The following DPY19L3 variants were observed in gnomAD, a reference collection of about 807,000 sequenced individuals.
The protein encoded by DPY19L3 is protein C-mannosyl-transferase DPY19L3.
A neutral mutation model predicts 92.3 loss-of-function variants in DPY19L3; 51 were observed. The ratio of observed to expected loss-of-function variants is 0.55; its 90% CI spans 0.44 to 0.70. DPY19L3 has a LOEUF of 0.70. Among genes scored for constraint, DPY19L3 ranks in the 30% least tolerant of loss-of-function variants. The pLI is 0.00. For synonymous variants in DPY19L3, 309 were observed against 315.2 expected, an observed-to-expected ratio of 0.98 and a Z score of 0.21; for missense variants, 706 against 855.9, an observed-to-expected ratio of 0.82 and a Z score of 2.18.
chr19:32,408,263 A>G lies in DPY19L3; in HGVS notation c.10A>G (p.Ile4Val). Residue 4 changes from isoleucine (I) to valine (V), a missense_variant, in exon 2 of 19, where the codon ATC (isoleucine) becomes GTC (valine). By Grantham distance (29) the Ile-to-Val change is conservative (BLOSUM62 3). Transcript: ENST00000392250. MMSIRQRREIRATE... is the reference protein window; with the variant it reads MMSVRQRREIRATE... Reference sequence around the variant, plus strand: ...ATGTAAGTCTGACATCATGATGTCCATCCGGCAAAGAAGAGAAATAAGAGC... The same window carrying G: ...ATGTAAGTCTGACATCATGATGTCCGTCCGGCAAAGAAGAGAAATAAGAGC... 1.9e-6 allele frequency: 3 copies of G among 1,612,632 alleles called. No individual in the cohort carries two copies. Among genetic ancestry groups the G allele is most frequent in the African/African-American group, 1.3e-5 (1 of 74,980 alleles).
intron 12 of DPY19L3, among the ~76,000 whole-genome samples, chr19:32,459,776 A>G (rs1046317276): frequency 3.3e-5 from 5 of 152,214 alleles, no homozygotes; most frequent in African/African-American, 1.2e-4. Context: ...AAGATTTTAG[A>G]GCATCTTCAT....
intron 1 of DPY19L3, among the ~76,000 whole-genome samples, chr19:32,406,810 C>T: frequency 6.6e-6 from 1 of 152,052 alleles, no homozygotes; most frequent in East Asian, 1.9e-4. Context: ...GGTTTTCTGC[C>T]TTAACATATT....
chr19:32,467,238 T>C (rs1437871092), intron 15 of DPY19L3, among the ~76,000 whole-genome samples: 3 of 152,168 alleles, frequency 2.0e-5, no homozygotes, highest in Non-Finnish European at 4.4e-5. Flanking sequence ...GCCGCAAAAT[T>C]CTCACTAGCT....
At chr19:32,481,976 C>G in intron 18 of DPY19L3, 103 bp from the exon 19 acceptor site, 1 of 1,276,696 alleles carries the variant, frequency 7.8e-7, no homozygotes, top group Non-Finnish European at 1.1e-6. Context: ...AATTTAATTT[C>G]ACTCACATAC....
intron 18 of DPY19L3, 77 bp downstream of exon 18, chr19:32,480,634 C>A (rs2145644227): frequency 6.8e-7 from 1 of 1,477,504 alleles, no homozygotes; most frequent in Non-Finnish European, 9.1e-7. Flanking sequence ...GAATGTGAAT[C>A]TTTTTATCCT....
chr19:32,445,440 C>CAAAAA (rs71336904), intron 8 of DPY19L3, among the ~76,000 whole-genome samples: 3,471 of 42,736 alleles, frequency 0.081, 820 homozygotes, highest in South Asian at 0.28. Flanking sequence ...GACTTCATCT[C>CAAAAA]AAAAAAAAAA....
chr19:32,471,049 C>T (rs1555726458), intron 16 of DPY19L3, among the ~76,000 whole-genome samples: 1 of 152,090 alleles, frequency 6.6e-6, no homozygotes, highest in Non-Finnish European at 1.5e-5. Context: ...GTGTGGATTC[C>T]AAACTCAAGT....
chr19:32,447,771 A>C (rs578260800), intron 8 of DPY19L3, among the ~76,000 whole-genome samples: 6 of 120,088 alleles, frequency 5.0e-5, no homozygotes, highest in African/African-American at 2.1e-4. Context: ...ATAGATAGAT[A>C]GATAGATTAG....
At chr19:32,440,668 A>G (rs1969293498) in intron 8 of DPY19L3, among the ~76,000 whole-genome samples, 3 of 152,200 alleles carry the variant, frequency 2.0e-5, no homozygotes, top group Admixed American at 1.3e-4. Context: ...TTGCCTGTCT[A>G]CTGAGACACT....
intron 3 of DPY19L3, among the ~76,000 whole-genome samples, chr19:32,421,643 AAAAG>A (rs58943381): frequency 0.54 from 75,114 of 140,344 alleles, 20,491 homozygotes; most frequent in East Asian, 0.61. Flanking sequence ...AAAAAAAAAA[AAAAG>A]AGAGAGGAGT....
chr19:32,432,566 C>T, intron 3 of DPY19L3, 150 bp from the exon 4 acceptor site: 1 of 575,112 alleles, frequency 1.7e-6, no homozygotes, highest in Admixed American at 3.2e-5. Context: ...CAGTGATCAG[C>T]CTTCCATTCT....
intron 8 of DPY19L3, among the ~76,000 whole-genome samples, chr19:32,446,106 A>G (rs945105014): frequency 6.6e-6 from 1 of 152,214 alleles, no homozygotes; most frequent in Admixed American, 6.5e-5. Context: ...TGGGAAGGGT[A>G]ATGAGACTTA....
chr19:32,477,580 A>T lies in DPY19L3; in HGVS notation c.1756A>T (p.Lys586Ter). 1 of 1,614,186 alleles carries T rather than the reference A, an allele frequency of 6.2e-7. No homozygotes were observed. The highest frequency in any genetic ancestry group is 2.2e-5 in the East Asian group (1 of 44,866). ...AGSMQLLAGVKLCTGRTLTNH... is the reference protein window; with the variant it reads ...AGSMQLLAGV ...AAGCATGCAGTTGCTGGCCGGAGTCAAGCTGTGCACGGGAAGGACCCTAAC... is the reference window on the plus strand; with the variant it reads ...AAGCATGCAGTTGCTGGCCGGAGTCTAGCTGTGCACGGGAAGGACCCTAAC... Residue 586 changes from lysine to a stop codon, truncating the protein, a stop_gained, in exon 17 of 19, where the codon AAG (lysine) becomes TAG (stop). Coordinates refer to ENST00000392250, the MANE Select transcript of DPY19L3 (RefSeq NM_001172774.2). LOFTEE classifies it high-confidence loss of function.
rs1329524862 is a variant in DPY19L3, at chr19:32,437,283, A to G, written c.540A>G (p.Leu180=). 1.9e-6 allele frequency: 3 copies of G among 1,614,098 alleles called. No individual in the cohort carries two copies. Among genetic ancestry groups the G allele is most frequent in the East Asian group, 4.5e-5 (2 of 44,876 alleles). ...CAGCTCTCTACATAACCAGCTGGCT[A>G]CTCAGTGGTACATGGCTGTCAGGAC... The part of the protein sequence containing the change: ...YVTALYITSW[L]LSGTWLSGLL... The change falls in exon 6 of 19, where the codon CTA becomes CTG. Residue 180 remains leucine, a synonymous_variant. Transcript: ENST00000392250.
At chr19:32,436,723 A>G (rs931121046) in intron 5 of DPY19L3, among the ~76,000 whole-genome samples, 156 bp downstream of exon 5, 4 of 152,214 alleles carry the variant, frequency 2.6e-5, no homozygotes, top group African/African-American at 9.6e-5. Context: ...TGAACTTTAT[A>G]AGATACTGCT....
intron 2 of DPY19L3, 35 bp from the exon 3 acceptor site, chr19:32,411,200 TACTG>T: frequency 6.3e-7 from 1 of 1,580,708 alleles, no homozygotes; most frequent in Non-Finnish European, 8.6e-7. Context: ...CTGATTTTTT[TACTG>T]ACTTAGTTAT....
chr19:32,418,732 T>C (rs1332051394), intron 3 of DPY19L3, among the ~76,000 whole-genome samples: 1 of 152,176 alleles, frequency 6.6e-6, no homozygotes, highest in Non-Finnish European at 1.5e-5. Flanking sequence ...TCATCAAAAT[T>C]GGTAGGTTAG....
intron 8 of DPY19L3, among the ~76,000 whole-genome samples, chr19:32,449,170 C>T (rs967599361): frequency 6.6e-6 from 1 of 152,056 alleles, no homozygotes; most frequent in Middle Eastern, 3.2e-3. Flanking sequence ...CAAACACTTC[C>T]TAGAAAGAAG....
At chr19:32,411,092 A>T (rs944087894) in intron 2 of DPY19L3, 147 bp from the exon 3 acceptor site, 3 of 734,658 alleles carry the variant, frequency 4.1e-6, no homozygotes, top group African/African-American at 1.8e-5. Flanking sequence ...AGGTCTGTGG[A>T]ATCAGAAAGG....
Sources: gnomAD v4.1 joint callset for allele counts (sites outside exome capture counted in the v4.1 genomes callset) on GRCh38, gnomAD v4.1.1 for gene constraint, MANE v1.5 for transcripts, NCBI Gene and HGNC (gene_info 2026-07-23, HGNC 2026-07-21) for gene names.